The following SAXO3 variants were observed in gnomAD, a reference collection of about 807,000 sequenced individuals.
The protein encoded by SAXO3 is CTB-60B18.10.
chr19:49,018,780 G>T, the SAXO3 span: 2 of 1,106,824 alleles, frequency 1.8e-6, no homozygotes, highest in Non-Finnish European at 2.6e-6. Context: ...GAGACCACCG[G>T]CTCAGGGAAT....
chr19:49,019,894 C>T, the SAXO3 span: 3 of 1,424,076 alleles, frequency 2.1e-6, no homozygotes, highest in Admixed American at 4.0e-5. Flanking sequence ...GACTCCGGCA[C>T]TCCCCAAACT....
chr19:49,018,958 G>T, the SAXO3 span: 3,311 of 1,534,094 alleles, frequency 2.2e-3, 64 homozygotes, highest in African/African-American at 0.04. Context: ...ACTGTGAAAG[G>T]CCGGCCAGAC....
the SAXO3 span, chr19:49,019,745 G>A: frequency 1.7e-6 from 2 of 1,202,276 alleles, no homozygotes; most frequent in Middle Eastern, 2.0e-4. Context: ...CCAGTGTACT[G>A]CGCCCTCGTC....
the SAXO3 span, chr19:49,018,311 T>G: frequency 5.8e-6 from 7 of 1,211,342 alleles, no homozygotes; most frequent in Non-Finnish European, 7.2e-6. Flanking sequence ...GGTCAGGGAG[T>G]CCTTGCGGGG....
At chr19:49,018,355 C>T in the SAXO3 span, 3 of 1,217,458 alleles carry the variant, frequency 2.5e-6, no homozygotes, top group Non-Finnish European at 3.1e-6. Flanking sequence ...GGGAGCAGGG[C>T]GGGATGGTGA....
the SAXO3 span, chr19:49,018,755 A>G: frequency 1.2e-6 from 1 of 868,094 alleles, no homozygotes; most frequent in African/African-American, 1.7e-5. Flanking sequence ...TCTTGCTGCT[A>G]CAGAAGTCGA....
At chr19:49,018,546 G>A in the SAXO3 span, among the ~76,000 whole-genome samples, 4 of 152,232 alleles carry the variant, frequency 2.6e-5, 1 homozygote, top group Admixed American at 2.6e-4. Flanking sequence ...CGCATCCTAG[G>A]GAAGTAAAAG....
the SAXO3 span, chr19:49,018,210 G>T: frequency 1.9e-6 from 1 of 532,390 alleles, no homozygotes; most frequent in Non-Finnish European, 2.9e-6. Context: ...ACGCGGACCC[G>T]CGGTGGTCGG....
the SAXO3 span, chr19:49,018,918 T>G: frequency 1.2e-5 from 19 of 1,534,346 alleles, no homozygotes; most frequent in Non-Finnish European, 1.5e-5. Context: ...CAGATAGAGC[T>G]GGCGGCGGTC....
At chr19:49,018,350 C>A in the SAXO3 span, 1 of 1,218,390 alleles carries the variant, frequency 8.2e-7, no homozygotes, top group South Asian at 4.2e-5. Flanking sequence ...CCTGTGGGAG[C>A]AGGGCGGGAT....
the SAXO3 span, chr19:49,019,645 A>T: frequency 4.8e-6 from 6 of 1,255,622 alleles, no homozygotes; most frequent in South Asian, 5.0e-5. Context: ...CCACCCAGAC[A>T]CCTGGGAAGG....
At chr19:49,018,953 G>A in the SAXO3 span, 1 of 1,534,360 alleles carries the variant, frequency 6.5e-7, no homozygotes, top group Non-Finnish European at 8.7e-7. Context: ...CGGATACTGT[G>A]AAAGGCCGGC....
At chr19:49,018,826 C>T in the SAXO3 span, 3,365 of 1,471,968 alleles carry the variant, frequency 2.3e-3, 75 homozygotes, top group African/African-American at 0.042. Context: ...GCACCGGCCA[C>T]GGCGGGGGCT....
the SAXO3 span, chr19:49,018,220 G>A: frequency 4.9e-6 from 3 of 607,654 alleles, no homozygotes; most frequent in Non-Finnish European, 7.2e-6. Flanking sequence ...GCGGTGGTCG[G>A]GGCGGCCGGG....
At chr19:49,018,296 C>T in the SAXO3 span, 1 of 1,186,340 alleles carries the variant, frequency 8.4e-7, no homozygotes, top group Non-Finnish European at 1.1e-6. Context: ...TTCGAAGCTC[C>T]AGTAGGTCAG....
the SAXO3 span, chr19:49,020,078 G>C: frequency 7.1e-7 from 1 of 1,403,862 alleles, no homozygotes; most frequent in Non-Finnish European, 9.2e-7. Context: ...ATCCTGCTTT[G>C]CAACTTGGGG....
chr19:49,019,513 C>T, the SAXO3 span: 3 of 1,169,158 alleles, frequency 2.6e-6, no homozygotes, highest in Non-Finnish European at 3.3e-6. Context: ...CCCAGCCCCT[C>T]CCCCGGCTCC....
chr19:49,020,402 G>A, the SAXO3 span: 5 of 400,956 alleles, frequency 1.2e-5, no homozygotes, highest in Non-Finnish European at 2.2e-5. Flanking sequence ...TGAAGGGTAT[G>A]GGTGGGATAA....
the SAXO3 span, chr19:49,019,498 T>A: frequency 8.7e-7 from 1 of 1,155,736 alleles, no homozygotes; most frequent in Non-Finnish European, 1.1e-6. Flanking sequence ...TGGCCTGGCC[T>A]AATGCCCAGC....
Sources: gnomAD v4.1 joint callset for allele counts (sites outside exome capture counted in the v4.1 genomes callset) on GRCh38, gnomAD v4.1.1 for gene constraint, MANE v1.5 for transcripts, NCBI Gene and HGNC (gene_info 2026-07-23, HGNC 2026-07-21) for gene names.